PIBF1: variants seen among roughly 807,000 people sequenced by gnomAD.
The protein encoded by PIBF1 is progesterone-induced-blocking factor 1.
PIBF1 carries 90 observed loss-of-function variants against 112.5 expected under a neutral mutation model. That is an observed-to-expected ratio of 0.80 (90% confidence interval 0.67 to 0.95). PIBF1 has a LOEUF of 0.95. Among genes scored for constraint, PIBF1 ranks in the 40% least tolerant of loss-of-function variants. The pLI is 0.00. For synonymous variants in PIBF1, 301 were observed against 288.6 expected (o/e 1.04, Z -0.44); for missense variants, 915 against 852.3 (o/e 1.07, Z -0.92).
chr13:72,893,287 AT>A (rs907453669), intron 10 of PIBF1, among the ~76,000 whole-genome samples: 2 of 151,864 alleles, frequency 1.3e-5, no homozygotes, highest in Non-Finnish European at 2.9e-5. Flanking sequence ...CAGTTTGTAC[AT>A]TTTTTTCTTG....
intron 10 of PIBF1, among the ~76,000 whole-genome samples, chr13:72,878,431 T>G (rs902336658): frequency 6.6e-6 from 1 of 152,214 alleles, no homozygotes; most frequent in Non-Finnish European, 1.5e-5. Flanking sequence ...TATCCACATA[T>G]TTTAGAATCT....
At chr13:72,855,319 A>C (rs1338711174) in intron 10 of PIBF1, among the ~76,000 whole-genome samples, 1 of 152,206 alleles carries the variant, frequency 6.6e-6, no homozygotes, top group African/African-American at 2.4e-5. Context: ...CCTATGGAAG[A>C]ATTTTAATAA....
chr13:72,866,563 A>T (rs538199794), intron 10 of PIBF1, among the ~76,000 whole-genome samples: 1 of 152,302 alleles, frequency 6.6e-6, no homozygotes, highest in South Asian at 2.1e-4. Context: ...ATTTATTATG[A>T]CTTAAAAGTC....
At chr13:72,828,048 A>C in intron 8 of PIBF1, 134 bp downstream of exon 8, 1 of 350,022 alleles carries the variant, frequency 2.9e-6, no homozygotes. Context: ...ATAATACCTT[A>C]TTTTATTTTA....
At chr13:72,875,546 A>G (rs374060412) in intron 10 of PIBF1, among the ~76,000 whole-genome samples, 21 of 152,278 alleles carry the variant, frequency 1.4e-4, no homozygotes, top group Middle Eastern at 6.8e-3. Context: ...ATCGGTATGC[A>G]TCTCCACCAG....
At chr13:73,004,547 T>C (rs562293707) in intron 17 of PIBF1, among the ~76,000 whole-genome samples, 127 of 152,216 alleles carry the variant, frequency 8.3e-4, no homozygotes, top group African/African-American at 3.0e-3. Context: ...TTTTCTAACT[T>C]GTGCTCCTTT....
chr13:72,844,865 G>A lies in PIBF1; in HGVS notation c.1224-9192G>A, dbSNP rs917856442. ...CTCCTGAGCTCAAGTGATCCTCCCC[G>A]CCGACCTCAGCCTCCCAAAGTGCTA... On this transcript the variant is annotated intron_variant, in intron 9 of 17. Transcript: ENST00000326291. Among the ~76,000 whole-genome samples, 5 of 143,014 alleles carry A rather than the reference G, an allele frequency of 3.5e-5. No homozygotes were observed. The South Asian group carries it at 6.7e-4, about 19-fold the overall frequency. 93.8% of individuals were successfully genotyped at this position (143,014 alleles called of 152,430 possible).
intron 9 of PIBF1, among the ~76,000 whole-genome samples, chr13:72,837,388 C>G (rs2037408825): frequency 6.6e-6 from 1 of 151,956 alleles, no homozygotes; most frequent in African/African-American, 2.4e-5. Context: ...ATGTTGAATC[C>G]TGAGAAAATT....
intron 13 of PIBF1, among the ~76,000 whole-genome samples, chr13:72,925,538 C>G (rs1204752901): frequency 7.5e-6 from 1 of 133,154 alleles, no homozygotes; most frequent in Non-Finnish European, 1.6e-5. Context: ...TTTTCTTTCT[C>G]TCTCTTTTTT....
At chr13:72,807,356 C>T (rs2035790610) in intron 5 of PIBF1, among the ~76,000 whole-genome samples, 1 of 152,096 alleles carries the variant, frequency 6.6e-6, no homozygotes. Context: ...GGGCAGATCA[C>T]CTGATGTCAA....
At chr13:72,898,560 G>C (rs919133005) in intron 11 of PIBF1, among the ~76,000 whole-genome samples, 3 of 152,018 alleles carry the variant, frequency 2.0e-5, no homozygotes, top group Non-Finnish European at 4.4e-5. Context: ...GATCAGGCCA[G>C]GCACGGTGGC....
At chr13:72,835,174 T>G in intron 8 of PIBF1, 69 bp from the exon 9 acceptor site, 1 of 1,168,744 alleles carries the variant, frequency 8.6e-7, no homozygotes, top group Non-Finnish European at 1.2e-6. Flanking sequence ...TATTAAAATC[T>G]TACGTACAGT....
At chr13:72,827,681 G>GAA in intron 7 of PIBF1, 52 bp from the exon 8 acceptor site, 1 of 1,069,890 alleles carries the variant, frequency 9.3e-7, no homozygotes, top group African/African-American at 1.6e-5. Flanking sequence ...AGTCAAGCTT[G>GAA]AAAAGTAAGA....
intron 14 of PIBF1, among the ~76,000 whole-genome samples, chr13:72,940,202 T>C (rs2041974698): frequency 6.6e-6 from 1 of 152,130 alleles, no homozygotes; most frequent in Admixed American, 6.6e-5. Context: ...TTCTCTTCAG[T>C]TTTTTTCAGT....
Position 72,797,886 on chromosome 13 carries a change from ATTAAT to A in PIBF1, c.553-13_553-9del, listed in dbSNP as rs758881526. The A allele has an allele frequency of 1.1e-5, 18 of 1,567,258 alleles. No individual in the cohort carries two copies. In the Admixed American group the frequency reaches 1.2e-4, roughly 10 times the overall value. On this transcript the variant is annotated splice_polypyrimidine_tract_variant and intron_variant, in intron 4 of 17. Coordinates refer to ENST00000326291, the MANE Select transcript of PIBF1 (RefSeq NM_006346.4). ...TTGTAATTTGGATTTAAGACTGCTT[ATTAAT>A]TTAATTTTTTTCAAGGTTCGCTTCT...
chr13:72,788,129 G>A (rs1304404614), intron 2 of PIBF1, among the ~76,000 whole-genome samples: 1 of 152,194 alleles, frequency 6.6e-6, no homozygotes, highest in Non-Finnish European at 1.5e-5. Context: ...TCACAGGAAA[G>A]GTAGATTTCT....
Position 73,016,133 on chromosome 13 carries a change from A to G in PIBF1, c.*214A>G, listed in dbSNP as rs1460809330. 2.4e-5 allele frequency: 5 copies of G among 208,216 alleles called. No individual in the cohort carries two copies. Among genetic ancestry groups the G allele is most frequent in the Non-Finnish European group, 4.7e-5 (5 of 106,576 alleles). 12.9% of individuals were successfully genotyped at this position (208,216 alleles called of 1,614,324 possible). A position where few individuals can be genotyped will look rare whatever the true frequency, so the allele number is the denominator to read the frequency against. Reference sequence around the variant, plus strand: ...TTTCTATTTTATAAAATAAATATATATGCTATGCTTTAAATTTTGGAGCTT... The same window carrying G: ...TTTCTATTTTATAAAATAAATATATGTGCTATGCTTTAAATTTTGGAGCTT... On this transcript the variant is annotated 3_prime_UTR_variant, in exon 18 of 18. Transcript: ENST00000326291.
chr13:72,936,057 T>C (rs2138793538), intron 14 of PIBF1, among the ~76,000 whole-genome samples: 1 of 151,996 alleles, frequency 6.6e-6, no homozygotes, highest in Middle Eastern at 3.4e-3. Flanking sequence ...AGACAGAGTC[T>C]CACTCTGTTG....
chr13:73,014,518 C>G (rs556191995), intron 17 of PIBF1, among the ~76,000 whole-genome samples: 5 of 152,226 alleles, frequency 3.3e-5, no homozygotes, highest in Admixed American at 6.5e-5. Flanking sequence ...TGTCCAAACC[C>G]ATAAAATGCA....
Sources: allele counts gnomAD v4.1 joint callset (sites outside exome capture counted in the v4.1 genomes callset), GRCh38; gene constraint gnomAD v4.1.1; transcripts MANE v1.5; gene names NCBI Gene and HGNC (gene_info 2026-07-23, HGNC 2026-07-21).